Variants in ANKRD28 observed in about 807,000 individuals in gnomAD.
ANKRD28 encodes the protein serine/threonine-protein phosphatase 6 regulatory ankyrin repeat subunit A.
In ANKRD28, 44 loss-of-function variants were observed where a neutral mutation model predicts 126.5. The ratio of observed to expected loss-of-function variants is 0.35; its 90% CI spans 0.27 to 0.45. The LOEUF (loss-of-function observed/expected upper bound fraction) is 0.45, where lower values mean the gene tolerates loss of function less well. Among genes scored for constraint, ANKRD28 ranks in the 20% least tolerant of loss-of-function variants. The pLI, the probability that ANKRD28 is intolerant of heterozygous loss-of-function variation, is 1.00. For synonymous variants in ANKRD28, 442 were observed against 468.5 expected (o/e 0.94, Z 0.73); for missense variants, 1,110 against 1,316.6 (o/e 0.84, Z 2.43).
rs1281876029 is a variant in ANKRD28 at position 15,854,586 on chromosome 3, A to C, written c.27+4791T>G. Among the ~76,000 whole-genome samples the C allele has an allele frequency of 6.6e-6, 1 of 152,204 alleles. No homozygotes were observed. Among genetic ancestry groups the C allele is most frequent in the African/African-American group, 2.4e-5 (1 of 41,434 alleles). On this transcript the variant is annotated intron_variant, in intron 1 of 27. Coordinates refer to the ANKRD28 transcript ENST00000399451. This position sits in a 1 kb window ranked among gnomAD's most constrained non-coding sequence, Gnocchi z 4.1. ...AACTTGTTTTTGAACTGTATGTTAC[A>C]TTTTCAATTAATATGCTCCACATGT...
intron 1 of ANKRD28, among the ~76,000 whole-genome samples, chr3:15,826,746 G>A (rs2061075326): frequency 6.6e-6 from 1 of 152,156 alleles, no homozygotes; most frequent in African/African-American, 2.4e-5. Flanking sequence ...GAGTGTAGAA[G>A]ATGAACTGAA....
chr3:15,763,865 T>G lies in ANKRD28; in HGVS notation c.280+2369A>C, dbSNP rs574411350. Among the ~76,000 whole-genome samples the G allele has an allele frequency of 3.3e-5, 5 of 152,316 alleles. No homozygotes were observed. The East Asian group carries it at 9.6e-4, about 29-fold the overall frequency. On this transcript the variant is annotated intron_variant, in intron 3 of 27. Coordinates refer to ENST00000683139, the MANE Select transcript of ANKRD28 (RefSeq NM_001349278.2). The stretch of plus-strand genomic sequence containing the variant: ...TGAGAACAATTGAATTCATCCAAAA[T>G]TGTATTTTTCCTTTGAAAAATAGCT...
intron 24 of ANKRD28, among the ~76,000 whole-genome samples, chr3:15,677,964 A>G (rs114910267): frequency 6.6e-5 from 10 of 152,116 alleles, no homozygotes; most frequent in Non-Finnish European, 2.9e-5. Flanking sequence ...CATTCAGGCA[A>G]TCCAACTCCA....
At chr3:15,721,587 C>A (rs1470315774) in intron 7 of ANKRD28, among the ~76,000 whole-genome samples, 1 of 151,840 alleles carries the variant, frequency 6.6e-6, no homozygotes, top group African/African-American at 2.4e-5. Flanking sequence ...AAGTACAGAT[C>A]AAGATTTAAA....
intron 6 of ANKRD28, chr3:15,732,466 T>C (rs1233999971): frequency 1.3e-5 from 2 of 152,206 alleles, no homozygotes; most frequent in African/African-American, 4.8e-5. Flanking sequence ...AACTCAGTGT[T>C]CATGACAGAC....
At chr3:15,795,366 T>C (rs1181979506) in intron 1 of ANKRD28, 60 bp from the exon 2 acceptor site, 2 of 1,147,600 alleles carry the variant, frequency 1.7e-6, no homozygotes, top group Admixed American at 1.8e-5. Flanking sequence ...ACTAAGGATA[T>C]TTTACATAGT....
chr3:15,724,361 C>G (rs1214794920), intron 7 of ANKRD28, 21 bp downstream of exon 7: 1 of 1,579,652 alleles, frequency 6.3e-7, no homozygotes, highest in African/African-American at 1.4e-5. Context: ...TAATTTTATA[C>G]TGTTCAATTA....
rs1023004908 is a variant in ANKRD28 at position 15,846,699 on chromosome 3, A to G, written c.27+12678T>C. ...GGTTATTTTTATTTCATGCTCACATAAAGTCAAAAAATCTATGTTAATGAT... is the reference window on the plus strand; with the variant it reads ...GGTTATTTTTATTTCATGCTCACATGAAGTCAAAAAATCTATGTTAATGAT... On this transcript the variant is annotated intron_variant, in intron 1 of 27. Transcript: ENST00000399451. This position sits in a 1 kb window ranked among gnomAD's most constrained non-coding sequence, Gnocchi z 5.4. 1.3e-5 allele frequency among the ~76,000 whole-genome samples: 2 copies of G among 152,228 alleles called. No homozygotes were observed. Among genetic ancestry groups the G allele is most frequent in the Admixed American group, 1.3e-4 (2 of 15,290 alleles).
At chr3:15,746,924 G>C (rs1016083776) in intron 4 of ANKRD28, among the ~76,000 whole-genome samples, 4 of 152,232 alleles carry the variant, frequency 2.6e-5, no homozygotes, top group African/African-American at 9.6e-5. Context: ...GTTTAATCTA[G>C]GAGGGTTGGA....
At chr3:15,726,441 C>G (rs898997083) in intron 6 of ANKRD28, among the ~76,000 whole-genome samples, 2 of 152,144 alleles carry the variant, frequency 1.3e-5, no homozygotes, top group African/African-American at 4.8e-5. Flanking sequence ...GATAGACGAC[C>G]AAAACAGCTA....
chr3:15,813,802 T>C (rs1482460105), intron 1 of ANKRD28, among the ~76,000 whole-genome samples: 3 of 152,230 alleles, frequency 2.0e-5, no homozygotes, highest in Non-Finnish European at 2.9e-5. Context: ...TGAATGACTG[T>C]TAATGTTTAA....
chr3:15,759,488 C>G (rs1351794745), intron 3 of ANKRD28, among the ~76,000 whole-genome samples: 2 of 152,140 alleles, frequency 1.3e-5, no homozygotes, highest in African/African-American at 4.8e-5. Flanking sequence ...GATGTATTCA[C>G]TTGTTTGATT....
intron 1 of ANKRD28, among the ~76,000 whole-genome samples, chr3:15,859,114 G>A (rs1177989520): frequency 6.6e-6 from 1 of 152,182 alleles, no homozygotes; most frequent in Non-Finnish European, 1.5e-5. Flanking sequence ...CCGACGCGAG[G>A]GCGGTGAGCG....
chr3:15,823,341 G>A (rs2060985545), intron 1 of ANKRD28, among the ~76,000 whole-genome samples: 1 of 152,120 alleles, frequency 6.6e-6, no homozygotes, highest in South Asian at 2.1e-4. Flanking sequence ...TTCCTAATGG[G>A]CCGTGGACCA....
At position 15,846,830 on chromosome 3, in the gene ANKRD28, G is replaced by T. The variant is rs2125984649; in HGVS notation, c.27+12547C>A. 6.6e-6 allele frequency among the ~76,000 whole-genome samples: 1 copy of T among 152,302 alleles called. No homozygotes were observed. Among genetic ancestry groups the T allele is most frequent in the South Asian group, 2.1e-4 (1 of 4,826 alleles). On this transcript the variant is annotated intron_variant, in intron 1 of 27. Transcript: ENST00000399451. The surrounding 1 kb of genome is among the most constrained non-coding windows in gnomAD (Gnocchi z 5.4). ...TGCTCTGGCAACCACCACCCAGCCA[G>T]CAGGTGGAAAAGAAAGACAATCTTT... is the stretch of plus-strand genomic sequence containing the variant.
chr3:15,760,784 G>A (rs1219208835), intron 3 of ANKRD28, among the ~76,000 whole-genome samples: 1 of 152,154 alleles, frequency 6.6e-6, no homozygotes, highest in East Asian at 1.9e-4. Context: ...GGATAAACAT[G>A]ACTTAAAATG....
chr3:15,848,205 A>AGATTTGG (rs2061566678), intron 1 of ANKRD28, among the ~76,000 whole-genome samples: 1 of 152,262 alleles, frequency 6.6e-6, no homozygotes. Flanking sequence ...ACTCAAAACC[A>AGATTTGG]GAACCACAAA....
chr3:15,713,289 G>C (rs180862059), intron 10 of ANKRD28, among the ~76,000 whole-genome samples: 171 of 152,166 alleles, frequency 1.1e-3, no homozygotes, highest in African/African-American at 3.9e-3. Context: ...TCAAAACTGC[G>C]TTATTACTCA....
chr3:15,769,935 G>A (rs2058918398), intron 2 of ANKRD28, among the ~76,000 whole-genome samples: 1 of 151,794 alleles, frequency 6.6e-6, no homozygotes, highest in African/African-American at 2.4e-5. Context: ...ACTCAAAATG[G>A]AAGTTATAGA....
Sources: gnomAD v4.1 joint callset for allele counts (sites outside exome capture counted in the v4.1 genomes callset) on GRCh38, gnomAD v4.1.1 for gene constraint, Gnocchi (gnomAD v3.1) non-coding constraint, MANE v1.5 for transcripts, NCBI Gene and HGNC (gene_info 2026-07-23, HGNC 2026-07-21) for gene names.